The following MYO1D variants were observed in gnomAD, a reference collection of about 807,000 sequenced individuals.
The protein encoded by MYO1D is myosin ID.
In MYO1D, 83 loss-of-function variants were observed where a neutral mutation model predicts 122.0. The ratio of observed to expected loss-of-function variants is 0.68; its 90% CI spans 0.57 to 0.82. The LOEUF (loss-of-function observed/expected upper bound fraction) is 0.82. Ranked by LOEUF, MYO1D falls within the 40% of genes least tolerant of loss-of-function variation. MYO1D has a pLI of 0.00. For synonymous variants in MYO1D, 464 were observed against 446.9 expected, an observed-to-expected ratio of 1.04 and a Z score of -0.48; for missense variants, 1,157 against 1,269.5, an observed-to-expected ratio of 0.91 and a Z score of 1.35.
intron 1 of MYO1D, among the ~76,000 whole-genome samples, chr17:32,858,362 T>C (rs772895832): frequency 1.3e-5 from 2 of 152,252 alleles, no homozygotes; most frequent in African/African-American, 2.4e-5. Flanking sequence ...ATGTCCCTTA[T>C]AGCAAAAGTA....
intron 19 of MYO1D, among the ~76,000 whole-genome samples, chr17:32,648,562 A>G (rs1184768954): frequency 3.3e-5 from 5 of 152,188 alleles, no homozygotes; most frequent in Non-Finnish European, 5.9e-5. Flanking sequence ...TGGAACTTTC[A>G]GCCCCACCCC....
intron 14 of MYO1D, among the ~76,000 whole-genome samples, chr17:32,726,332 ATTGCTT>A (rs900494302): frequency 2.6e-4 from 39 of 152,148 alleles, no homozygotes; most frequent in African/African-American, 9.2e-4. Context: ...AGGCACAGGA[ATTGCTT>A]GAACCCAGGA....
intron 1 of MYO1D, among the ~76,000 whole-genome samples, chr17:32,811,391 T>C (rs2090570545): frequency 6.6e-6 from 1 of 152,192 alleles, no homozygotes; most frequent in South Asian, 2.1e-4. Flanking sequence ...GTCCAGTCAA[T>C]GAGGATGCAT....
intron 20 of MYO1D, among the ~76,000 whole-genome samples, chr17:32,633,501 C>T (rs2088051272): frequency 6.6e-6 from 1 of 152,136 alleles, no homozygotes; most frequent in Non-Finnish European, 1.5e-5. Flanking sequence ...CTTACATCCT[C>T]CTCTTACCCC....
rs188205595 is a variant in MYO1D at position 32,652,261 on chromosome 17, C to G, written c.2595+1582G>C. Among the ~76,000 whole-genome samples, 76 of 152,238 alleles carry G rather than the reference C, an allele frequency of 5.0e-4. No homozygotes were observed. The South Asian group carries it at 8.7e-3, about 17-fold the overall frequency. On this transcript the variant is annotated intron_variant, in intron 19 of 21. Coordinates refer to ENST00000318217, the MANE Select transcript of MYO1D (RefSeq NM_015194.3). The stretch of plus-strand genomic sequence containing the variant: ...TCCGACCAAAAATGTCTTCTTACAT[C>G]CTTATAAACATTGGTTATTATCAAC...
intron 1 of MYO1D, among the ~76,000 whole-genome samples, chr17:32,824,022 A>G (rs937435518): frequency 1.8e-4 from 26 of 145,690 alleles, no homozygotes; most frequent in Non-Finnish European, 2.8e-4. Flanking sequence ...AGCCGAGATC[A>G]GGCCACTGCA....
chr17:32,500,706 C>T (rs563463376), intron 21 of MYO1D, among the ~76,000 whole-genome samples: 138 of 152,280 alleles, frequency 9.1e-4, no homozygotes, highest in Non-Finnish European at 1.2e-3. Context: ...ATAACGAAGT[C>T]AGAAAATGTG....
chr17:32,814,423 T>C (rs546163712), intron 1 of MYO1D, among the ~76,000 whole-genome samples: 2 of 152,344 alleles, frequency 1.3e-5, no homozygotes, highest in East Asian at 3.9e-4. Context: ...ACTGCACTTA[T>C]AAATAAGAGT....
At chr17:32,609,834 C>T in intron 20 of MYO1D, among the ~76,000 whole-genome samples, 1 of 151,408 alleles carries the variant, frequency 6.6e-6, no homozygotes, top group African/African-American at 2.4e-5. Context: ...GGATCGTGGG[C>T]TTTCTGAGGC....
At chr17:32,804,148 T>G (rs2090486406) in intron 1 of MYO1D, among the ~76,000 whole-genome samples, 1 of 152,178 alleles carries the variant, frequency 6.6e-6, no homozygotes. Context: ...ATGCACATCC[T>G]CCTGTATACT....
intron 15 of MYO1D, among the ~76,000 whole-genome samples, chr17:32,719,351 CTTT>C (rs371411083): frequency 2.9e-5 from 4 of 137,150 alleles, no homozygotes; most frequent in East Asian, 2.1e-4. Flanking sequence ...TCTCCTTGCC[CTTT>C]TTTTTTTTTT....
At chr17:32,502,657 A>G (rs1306991081) in intron 21 of MYO1D, among the ~76,000 whole-genome samples, 3 of 152,204 alleles carry the variant, frequency 2.0e-5, no homozygotes, top group Non-Finnish European at 4.4e-5. Context: ...AGCCAAAATA[A>G]TTTTAAGACT....
At position 32,509,647 on chromosome 17, in the gene MYO1D, C is replaced by T. The variant is rs566096888; in HGVS notation, c.2865-14732G>A. 1.1e-4 allele frequency among the ~76,000 whole-genome samples: 17 copies of T among 151,456 alleles called. 2 individuals are homozygous for T. The highest frequency in any genetic ancestry group is 1.7e-4 in the African/African-American group (7 of 41,268). On this transcript the variant is annotated intron_variant, in intron 21 of 21. Transcript: ENST00000318217. The stretch of plus-strand genomic sequence containing the variant: ...GTCACCAGGCTGGAGTGCAGTGGTG[C>T]GATCGATTCCGGCTCACTGCAACCT...
intron 16 of MYO1D, among the ~76,000 whole-genome samples, chr17:32,663,210 C>T (rs1401869856): frequency 2.0e-5 from 3 of 152,144 alleles, no homozygotes; most frequent in Non-Finnish European, 4.4e-5. Flanking sequence ...AGCCACCGCA[C>T]CCGGCAATTG....
chr17:32,642,909 C>T (rs1425293176), intron 19 of MYO1D, among the ~76,000 whole-genome samples: 1 of 152,078 alleles, frequency 6.6e-6, no homozygotes, highest in Non-Finnish European at 1.5e-5. Flanking sequence ...AATTGAATAC[C>T]CTTTATTTCT....
intron 10 of MYO1D, chr17:32,759,999 C>T: frequency 1.6e-6 from 1 of 609,256 alleles, no homozygotes; most frequent in Non-Finnish European, 2.9e-6. Context: ...GTATGCTAAA[C>T]CTAACAGACA....
chr17:32,616,559 G>C (rs1255601906), intron 20 of MYO1D, among the ~76,000 whole-genome samples: 1 of 151,620 alleles, frequency 6.6e-6, no homozygotes, highest in Non-Finnish European at 1.5e-5. Context: ...GCCTCAAGTG[G>C]TCCTCCTGCC....
At chr17:32,509,879 T>TCC (rs1909628245) in intron 21 of MYO1D, 8 of 152,320 alleles carry the variant, frequency 5.3e-5, no homozygotes, top group African/African-American at 1.7e-4. Context: ...TAGTGAAATA[T>TCC]ATGGGCCTGG....
intron 16 of MYO1D, among the ~76,000 whole-genome samples, chr17:32,705,426 AT>A (rs2089294313): frequency 7.9e-6 from 1 of 126,660 alleles, no homozygotes; most frequent in African/African-American, 2.7e-5. Flanking sequence ...TGCCCGGCTA[AT>A]TTTTTGTACT....
Sources: gnomAD v4.1 joint callset for allele counts (sites outside exome capture counted in the v4.1 genomes callset) on GRCh38, gnomAD v4.1.1 for gene constraint, MANE v1.5 for transcripts, NCBI Gene and HGNC (gene_info 2026-07-23, HGNC 2026-07-21) for gene names.